The following CNBD1 variants were observed in gnomAD, a reference collection of about 807,000 sequenced individuals.
CNBD1 encodes the protein cyclic nucleotide binding domain containing 1, also known as cyclic nucleotide-binding domain-containing protein 1.
In CNBD1, 71 loss-of-function variants were observed where a neutral mutation model predicts 54.4. That is an observed-to-expected ratio of 1.30 (90% CI 1.08 to 1.59). CNBD1 has a LOEUF of 1.59. Ranked by LOEUF, CNBD1 falls within the 40% of genes most tolerant of loss-of-function variation. The pLI is 0.00. For synonymous variants in CNBD1, 182 were observed against 170.7 expected, an observed-to-expected ratio of 1.07 and a Z score of -0.51; for missense variants, 659 against 518.0, an observed-to-expected ratio of 1.27 and a Z score of -2.64.
At chr8:87,233,290 T>C (rs1411765444) in intron 5 of CNBD1, among the ~76,000 whole-genome samples, 2 of 152,136 alleles carry the variant, frequency 1.3e-5, no homozygotes, top group Non-Finnish European at 2.9e-5. Context: ...TAGCATTTGA[T>C]CCATTTATTA....
rs1167619719 is a variant in CNBD1 at position 87,300,383 on chromosome 8, G to A, written c.1042+13712G>A. ...ACCCCAAAAGTCTGGAGAGTCACCAGAACGAGTACCTGTTACTACTGATTT... is the reference window on the plus strand; with the variant it reads ...ACCCCAAAAGTCTGGAGAGTCACCAAAACGAGTACCTGTTACTACTGATTT... On this transcript the variant is annotated intron_variant, in intron 8 of 10. Transcript: ENST00000518476. Among the ~76,000 whole-genome samples, 3 of 152,104 alleles carry A rather than the reference G, an allele frequency of 2.0e-5. No individual in the cohort carries two copies. The East Asian group carries it at 5.8e-4, about 29-fold the overall frequency.
downstream of CNBD1, among the ~76,000 whole-genome samples, chr8:87,383,266 G>T (rs910126572): frequency 2.0e-5 from 3 of 151,942 alleles, no homozygotes; most frequent in Non-Finnish European, 4.4e-5. Context: ...TATTACACAT[G>T]CTTCATATTG....
intron 4 of CNBD1, among the ~76,000 whole-genome samples, chr8:87,115,767 A>G (rs1290361115): frequency 6.6e-6 from 1 of 152,188 alleles, no homozygotes; most frequent in African/African-American, 2.4e-5. Flanking sequence ...TGTACCTCGT[A>G]TCTCTCGTAT....
chr8:87,010,089 A>C (rs1347429893), intron 4 of CNBD1, among the ~76,000 whole-genome samples: 1 of 152,048 alleles, frequency 6.6e-6, no homozygotes, highest in Non-Finnish European at 1.5e-5. Flanking sequence ...TTTTTTTCCC[A>C]AAATTTGTTG....
chr8:87,204,387 A>G (rs1347835789), intron 4 of CNBD1, among the ~76,000 whole-genome samples: 1 of 152,138 alleles, frequency 6.6e-6, no homozygotes, highest in Non-Finnish European at 1.5e-5. Context: ...AGGCCAAACT[A>G]TTTCATCAGA....
intron 3 of CNBD1, among the ~76,000 whole-genome samples, chr8:86,931,169 C>G (rs968629751): frequency 5.9e-5 from 9 of 152,166 alleles, no homozygotes; most frequent in Non-Finnish European, 1.3e-4. Flanking sequence ...TACAGGCTGT[C>G]CCGGGATTCC....
chr8:87,294,986 T>C (rs1270267575), intron 8 of CNBD1, among the ~76,000 whole-genome samples: 1 of 151,736 alleles, frequency 6.6e-6, no homozygotes, highest in Non-Finnish European at 1.5e-5. Flanking sequence ...GAATCTTCAA[T>C]TTATTTGCCA....
chr8:87,363,325 T>C (rs1293852243), intron 10 of CNBD1, among the ~76,000 whole-genome samples: 1 of 152,106 alleles, frequency 6.6e-6, no homozygotes, highest in Admixed American at 6.6e-5. Flanking sequence ...CATGTGCCTT[T>C]ATAGTAGAAT....
In CNBD1 at chr8:87,307,733, G is replaced by A. The variant is rs145888830; in HGVS notation, c.1042+21062G>A. 7.1e-3 allele frequency among the ~76,000 whole-genome samples: 574 copies of A among 81,320 alleles called. 14 individuals are homozygous for A. Among genetic ancestry groups the A allele is most frequent in the African/African-American group, 0.024 (541 of 22,540 alleles). 53.3% of individuals were successfully genotyped at this position (81,320 alleles called of 152,430 possible). On this transcript the variant is annotated intron_variant, in intron 8 of 10. Coordinates refer to ENST00000518476, the MANE Select transcript of CNBD1 (RefSeq NM_173538.3). Reference sequence around the variant, plus strand: ...AGCCTGGGCAAAAGAGTGAAACTCCGTCTCAAAAAAAAAATTATATATATA... The same window carrying A: ...AGCCTGGGCAAAAGAGTGAAACTCCATCTCAAAAAAAAAATTATATATATA...
Position 87,206,091 on chromosome 8 carries a change from C to A in CNBD1, c.530C>A (p.Thr177Lys), listed in dbSNP as rs999460188. The A allele has an allele frequency of 1.3e-6, 2 of 1,599,864 alleles. No individual in the cohort carries two copies. The highest frequency in any genetic ancestry group is 1.7e-6 in the Non-Finnish European group (2 of 1,173,428). The change falls in exon 5 of 11, where the codon ACA becomes AAA. Residue 177 changes from threonine (T) to lysine (K), a missense_variant. By Grantham distance (78) the Thr-to-Lys change is moderately conservative. Transcript: ENST00000518476. ...TFQLNDKHLKTLSKTVFSETW... is the reference protein window; with the variant it reads ...TFQLNDKHLKKLSKTVFSETW... ...CAGCTAAATGATAAGCATCTGAAAACACTTAGTAAGACTGTCTTTTCCGAA... is the reference window on the plus strand; with the variant it reads ...CAGCTAAATGATAAGCATCTGAAAAAACTTAGTAAGACTGTCTTTTCCGAA...
intron 4 of CNBD1, among the ~76,000 whole-genome samples, chr8:87,188,820 C>CT (rs33963727): frequency 0.025 from 3,240 of 128,510 alleles, 46 homozygotes; most frequent in African/African-American, 0.044. Context: ...AGTAAAGCGT[C>CT]TTTTTTTTTT....
intron 4 of CNBD1, among the ~76,000 whole-genome samples, chr8:87,077,358 C>T (rs1432637742): frequency 6.6e-6 from 1 of 151,262 alleles, no homozygotes; most frequent in African/African-American, 2.4e-5. Context: ...TTGCTGTGGC[C>T]TCACATGGCA....
At chr8:87,398,656 C>T (rs998744776) in intron 2 of CNBD1, among the ~76,000 whole-genome samples, 8 of 151,956 alleles carry the variant, frequency 5.3e-5, no homozygotes, top group African/African-American at 1.9e-4. Flanking sequence ...CCACACATGC[C>T]TTTCATCACT....
chr8:87,210,431 G>A (rs1410909209), intron 5 of CNBD1, among the ~76,000 whole-genome samples: 1 of 152,170 alleles, frequency 6.6e-6, no homozygotes, highest in Non-Finnish European at 1.5e-5. Flanking sequence ...AAGACAGTGG[G>A]AAAAAGGCTT....
chr8:87,385,854 G>T (rs896423511), downstream of CNBD1, among the ~76,000 whole-genome samples: 2 of 152,162 alleles, frequency 1.3e-5, no homozygotes, highest in African/African-American at 4.8e-5. Context: ...TAGCCTAACT[G>T]GGAGGCAACA....
At chr8:87,139,816 T>A (rs1308277740) in intron 4 of CNBD1, among the ~76,000 whole-genome samples, 1 of 152,174 alleles carries the variant, frequency 6.6e-6, no homozygotes, top group Non-Finnish European at 1.5e-5. Context: ...ACACTGAATG[T>A]CAAAGCTTCC....
At chr8:87,284,382 C>T (rs561885903) in intron 6 of CNBD1, among the ~76,000 whole-genome samples, 11 of 152,224 alleles carry the variant, frequency 7.2e-5, no homozygotes, top group African/African-American at 2.2e-4. Context: ...TTCATTCTTT[C>T]AACTACTATT....
intron 8 of CNBD1, among the ~76,000 whole-genome samples, chr8:87,350,328 C>T (rs1057212022): frequency 6.6e-6 from 1 of 151,802 alleles, no homozygotes; most frequent in Non-Finnish European, 1.5e-5. Context: ...AGTAGAATAA[C>T]CTTTTAATTT....
rs558961509 is a variant in CNBD1 at position 87,237,214 on chromosome 8, G to C, written c.771+102G>C. 2.7e-5 allele frequency: 16 copies of C among 583,552 alleles called. No individual in the cohort carries two copies. The African/African-American group carries it at 3.0e-4, about 11-fold the overall frequency. 36.1% of individuals were successfully genotyped at this position (583,552 alleles called of 1,614,324 possible). On this transcript the variant is annotated intron_variant, in intron 6 of 10. Transcript: ENST00000518476. ...TAAGATCCAATATCTTTAGAGTCCT[G>C]AAATATTTACGATAATATAGCCTTT...
Sources: allele counts gnomAD v4.1 joint callset (sites outside exome capture counted in the v4.1 genomes callset), GRCh38; gene constraint gnomAD v4.1.1; transcripts MANE v1.5; gene names NCBI Gene and HGNC (gene_info 2026-07-23, HGNC 2026-07-21).